BICRA: variants seen among roughly 807,000 people sequenced by gnomAD.
The protein encoded by BICRA is BRD4-interacting chromatin-remodeling complex-associated protein.
Under a neutral mutation model 96.9 loss-of-function variants are expected in BICRA, and 31 were observed. The observed-to-expected ratio is 0.32, with a 90% CI of 0.24 to 0.43. BICRA has a LOEUF of 0.43. Among genes scored for constraint, BICRA ranks in the 20% least tolerant of loss-of-function variants. The probability of loss-of-function intolerance (pLI) is 1.00; values close to 1 mark genes in which losing one functional copy is unlikely to be tolerated. For missense variants in BICRA, 2,283 were observed against 2,190.3 expected (o/e 1.04, Z -0.84); for synonymous variants, 1,350 against 1,071.8 (o/e 1.26, Z -5.07).
intron 1 of BICRA, among the ~76,000 whole-genome samples, chr19:47,638,610 C>G (rs1243229630): frequency 1.7e-5 from 2 of 115,472 alleles, no homozygotes. Flanking sequence ...CTCTCTCTCT[C>G]TGTCACACAC....
chr19:47,679,635 G>C lies in BICRA; in HGVS notation c.465G>C (p.Gly155=). 6.6e-7 allele frequency: 1 copy of C among 1,511,048 alleles called. No homozygotes were observed. Among genetic ancestry groups the C allele is most frequent in the South Asian group, 1.3e-5 (1 of 78,906 alleles). 93.6% of individuals were successfully genotyped at this position (1,511,048 alleles called of 1,614,324 possible). ...GAGGAAAVAA[G]PQALFPGSTD... is the part of the protein sequence containing the mutation. ...GAGGGGCAGCGGCCGTGGCTGCGGGGCCCCAAGCCCTCTTCCCAGGCAGCA... is the reference window on the plus strand; with the variant it reads ...GAGGGGCAGCGGCCGTGGCTGCGGGCCCCCAAGCCCTCTTCCCAGGCAGCA... Residue 155 remains glycine, a synonymous_variant, in exon 6 of 15, where the codon GGG becomes GGC. Coordinates refer to ENST00000594866, the MANE Select transcript of BICRA (RefSeq NM_001394372.1).
In BICRA at chr19:47,701,079, C is replaced by A; in HGVS notation, c.3596-249C>A. On this transcript the variant is annotated intron_variant, in intron 14 of 14. Coordinates refer to ENST00000594866, the MANE Select transcript of BICRA (RefSeq NM_001394372.1). The surrounding 1 kb of genome is among the most constrained non-coding windows in gnomAD (Gnocchi z 5.4). ...AGGCCTGAGCCTTGTTTTGTATTCT[C>A]TTAATTTACTTATGTCTGAATGAGC... The A allele has an allele frequency of 1.8e-6, 1 of 540,554 alleles. No individual in the cohort carries two copies. Among genetic ancestry groups the A allele is most frequent in the Non-Finnish European group, 3.2e-6 (1 of 308,032 alleles). 33.5% of individuals were successfully genotyped at this position (540,554 alleles called of 1,614,324 possible).
At chr19:47,620,360 G>A (rs1308567401) in intron 1 of BICRA, among the ~76,000 whole-genome samples, 1 of 151,914 alleles carries the variant, frequency 6.6e-6, no homozygotes, top group Non-Finnish European at 1.5e-5. Flanking sequence ...GAGTTCCTGT[G>A]TGTTTCTCAA....
chr19:47,667,953 G>A (rs1315888424), intron 1 of BICRA, among the ~76,000 whole-genome samples: 1 of 152,182 alleles, frequency 6.6e-6, no homozygotes, highest in African/African-American at 2.4e-5. Context: ...CCTGGGTGGG[G>A]TGCGGTGGCT....
At chr19:47,619,622 A>G (rs1467894824) in intron 1 of BICRA, among the ~76,000 whole-genome samples, 2 of 150,512 alleles carry the variant, frequency 1.3e-5, no homozygotes, top group Non-Finnish European at 3.0e-5. Flanking sequence ...GGGGCCAGGC[A>G]CGGTGGCTCA....
chr19:47,681,509 G>A (rs1000371875), intron 6 of BICRA, among the ~76,000 whole-genome samples: 5 of 152,190 alleles, frequency 3.3e-5, no homozygotes, highest in Middle Eastern at 6.3e-3. Context: ...CAAGGGGCAG[G>A]ACAACTGTTA....
intron 1 of BICRA, among the ~76,000 whole-genome samples, chr19:47,659,346 G>T (rs982620206): frequency 6.6e-6 from 1 of 152,170 alleles, no homozygotes; most frequent in African/African-American, 2.4e-5. Flanking sequence ...TTCCCAACAG[G>T]GGTGGAGGTG....
At chr19:47,652,973 T>G (rs1972561390) in intron 1 of BICRA, among the ~76,000 whole-genome samples, 1 of 151,702 alleles carries the variant, frequency 6.6e-6, no homozygotes, top group Admixed American at 6.6e-5. Context: ...AGCAGTAGTC[T>G]GGGCGATCTT....
In BICRA at chr19:47,694,466, C is replaced by A; in HGVS notation, c.2635C>A (p.Leu879Ile). ...GGGACCGCTGCCCCCAGCCCCCCAC[C>A]TCCCTCCATCCTCCACCTCCTCTGC... is the stretch of plus-strand genomic sequence containing the variant. ...PEGPLPPAPH[L>I]PPSSTSSAVA... The change falls in exon 8 of 15, where the codon CTC becomes ATC. Residue 879 changes from leucine (L) to isoleucine (I), a missense_variant. By Grantham distance (5) the Leu-to-Ile change is conservative (BLOSUM62 2). Coordinates refer to ENST00000594866, the MANE Select transcript of BICRA (RefSeq NM_001394372.1). 1 of 1,226,232 alleles carries A rather than the reference C, an allele frequency of 8.2e-7. No individual in the cohort carries two copies. Among genetic ancestry groups the A allele is most frequent in the African/African-American group, 1.5e-5 (1 of 66,142 alleles). 76.0% of individuals were successfully genotyped at this position (1,226,232 alleles called of 1,614,324 possible). A position where few individuals can be genotyped will look rare whatever the true frequency, so the allele number is the denominator to read the frequency against.
At chr19:47,691,975 A>C (rs1973247740) in intron 7 of BICRA, among the ~76,000 whole-genome samples, 1 of 152,230 alleles carries the variant, frequency 6.6e-6, no homozygotes, top group Admixed American at 6.5e-5. Context: ...TACTGTTGTC[A>C]TATCCTCTGT....
intron 1 of BICRA, among the ~76,000 whole-genome samples, chr19:47,656,145 A>C (rs1237990213): frequency 6.6e-6 from 1 of 151,370 alleles, no homozygotes; most frequent in South Asian, 2.1e-4. Context: ...GAATTAGCCA[A>C]GCGTGATGGC....
intron 1 of BICRA, among the ~76,000 whole-genome samples, chr19:47,618,906 G>A (rs866801989): frequency 8.5e-5 from 13 of 152,176 alleles, no homozygotes; most frequent in Admixed American, 3.3e-4. Flanking sequence ...GCCAACTCTC[G>A]TCCACCGTGT....
chr19:47,610,518 A>G (rs1387578329), intron 1 of BICRA, among the ~76,000 whole-genome samples: 1 of 152,026 alleles, frequency 6.6e-6, no homozygotes, highest in Non-Finnish European at 1.5e-5. Context: ...GGGGAGGCCC[A>G]GGTGACAGGT....
chr19:47,664,704 C>T (rs1032778478), intron 1 of BICRA, among the ~76,000 whole-genome samples: 12 of 152,308 alleles, frequency 7.9e-5, no homozygotes, highest in East Asian at 5.8e-4. Context: ...CGAGTGGGCC[C>T]GGGTCGCAGT....
At chr19:47,651,612 C>T (rs1334011997) in intron 1 of BICRA, among the ~76,000 whole-genome samples, 3 of 152,120 alleles carry the variant, frequency 2.0e-5, no homozygotes, top group Non-Finnish European at 4.4e-5. Context: ...CGTTTGACTT[C>T]TCTTTGTGGA....
At chr19:47,614,646 A>G (rs1053564131) in intron 1 of BICRA, among the ~76,000 whole-genome samples, 6 of 152,184 alleles carry the variant, frequency 3.9e-5, no homozygotes, top group Non-Finnish European at 1.5e-5. Flanking sequence ...CAGACAAACA[A>G]AAAACTATTC....
At position 47,650,123 on chromosome 19, in the gene BICRA, T is replaced by TTTTG. The variant is rs578023673; in HGVS notation, c.-107-20300_-107-20297dup. ...GCATGCCACCATGCCTGGCTAATTT[T>TTTTG]TTTGTTTGTTTGTTTGTTTGTTTTT... On this transcript the variant is annotated intron_variant, in intron 1 of 14. Coordinates refer to ENST00000594866, the MANE Select transcript of BICRA (RefSeq NM_001394372.1). Among the ~76,000 whole-genome samples the TTTTG allele has an allele frequency of 1.7e-3, 252 of 152,010 alleles. 1 individual carries two copies. The highest frequency in any genetic ancestry group is 5.6e-3 in the African/African-American group (234 of 41,466).
chr19:47,701,374 C>A lies in BICRA; in HGVS notation c.3642C>A (p.Ala1214=). ...GCTCGCTCGGCCTCCCCATCGCAGC[C>A]TCTTCCGAGGGTCATCGGCTTCCCG... The part of the protein sequence containing the change: ...SSRSLGLPIA[A]SSEGHRLPGH... Residue 1214 remains alanine (A), a synonymous_variant, in exon 15 of 15, where the codon GCC becomes GCA. Transcript: ENST00000594866. This position sits in a 1 kb window ranked among gnomAD's most constrained non-coding sequence, Gnocchi z 5.4. 1 of 1,611,306 alleles carries A rather than the reference C, an allele frequency of 6.2e-7. No homozygotes were observed. Among genetic ancestry groups the A allele is most frequent in the Non-Finnish European group, 8.5e-7 (1 of 1,179,246 alleles).
At chr19:47,685,741 CTGTGTGTGTGTGTGTGTGTG>C (rs3074109) in intron 7 of BICRA, among the ~76,000 whole-genome samples, 3 of 115,496 alleles carry the variant, frequency 2.6e-5, no homozygotes, top group South Asian at 3.2e-4. Context: ...TTGGCAGCCT[CTGTGTGTGTGTGTGTGTGTG>C]TGTGTGTGTG....
Sources: allele counts gnomAD v4.1 joint callset (sites outside exome capture counted in the v4.1 genomes callset), GRCh38; gene constraint gnomAD v4.1.1; non-coding constraint Gnocchi (gnomAD v3.1); transcripts MANE v1.5; gene names NCBI Gene and HGNC (gene_info 2026-07-23, HGNC 2026-07-21).